IFI16: variants seen among roughly 807,000 people sequenced by gnomAD.
The protein encoded by IFI16 is gamma-interferon-inducible protein 16.
Under a neutral mutation model 68.4 loss-of-function variants are expected in IFI16, and 49 were observed. The ratio of observed to expected loss-of-function variants is 0.72; its 90% CI spans 0.57 to 0.91. The LOEUF (loss-of-function observed/expected upper bound fraction) is 0.91. Among genes scored for constraint, IFI16 ranks in the 40% least tolerant of loss-of-function variants. The pLI is 0.00. For synonymous variants in IFI16, 307 were observed against 315.0 expected, an observed-to-expected ratio of 0.97 and a Z score of 0.27; for missense variants, 878 against 942.9, an observed-to-expected ratio of 0.93 and a Z score of 0.90.
At chr1:159,014,554 A>G (rs961808001) in intron 1 of IFI16, 107 bp from the exon 2 acceptor site, 2 of 662,656 alleles carry the variant, frequency 3.0e-6, no homozygotes, top group East Asian at 2.8e-5. Context: ...TTTATCACAC[A>G]TATTCATGAA....
intron 8 of IFI16, among the ~76,000 whole-genome samples, chr1:159,048,070 A>AT (rs1655104528): frequency 6.7e-6 from 1 of 149,086 alleles, no homozygotes; most frequent in Non-Finnish European, 1.5e-5. Flanking sequence ...ATTGCTACAC[A>AT]TGGCAGATCT....
In IFI16 at chr1:159,009,977, G is replaced by C. The variant is rs1652444087; in HGVS notation, c.-205G>C. 6.6e-6 allele frequency: 1 copy of C among 152,070 alleles called. No individual in the cohort carries two copies. Among genetic ancestry groups the C allele is most frequent in the Non-Finnish European group, 1.5e-5 (1 of 68,010 alleles). 9.4% of individuals were successfully genotyped at this position (152,070 alleles called of 1,614,324 possible). A position where few individuals can be genotyped will look rare whatever the true frequency, so the allele number is the denominator to read the frequency against. On this transcript the variant is annotated 5_prime_UTR_variant, in exon 1 of 12. Transcript: ENST00000295809. Reference sequence around the variant, plus strand: ...CAGCTAACTAAGTGACTCAACCAAGGCCTTTTTTCCTTGTTATCTTTGCAG... The same window carrying C: ...CAGCTAACTAAGTGACTCAACCAAGCCCTTTTTTCCTTGTTATCTTTGCAG...
At chr1:159,029,583 T>C (rs1187540054) in intron 6 of IFI16, among the ~76,000 whole-genome samples, 3 of 152,178 alleles carry the variant, frequency 2.0e-5, no homozygotes, top group Non-Finnish European at 4.4e-5. Flanking sequence ...AAATATGTTT[T>C]TCAAACCTTT....
rs1652818320 is a variant in IFI16 at position 159,014,803 on chromosome 1, A to C, written c.123A>C (p.Glu41Asp). 2.5e-6 allele frequency: 4 copies of C among 1,614,106 alleles called. No individual in the cohort carries two copies. The East Asian group carries it at 8.9e-5, about 36-fold the overall frequency. The part of the protein sequence containing the change: ...NDLKLNLKMR[E>D]EYDKIQIADL... ...TAAAACTTAATTTAAAAATGAGAGA[A>C]GAGTATGACAAAATTCAGATTGCTG... Residue 41 changes from glutamate to aspartate, a missense_variant, in exon 2 of 12, where the codon GAA becomes GAC. By Grantham distance (45) the Glu-to-Asp change is conservative. Transcript: ENST00000295809.
intron 8 of IFI16, among the ~76,000 whole-genome samples, chr1:159,045,668 A>G (rs1265628069): frequency 1.3e-5 from 2 of 151,342 alleles, no homozygotes; most frequent in Non-Finnish European, 1.5e-5. Context: ...CATAGCAGGT[A>G]TAATTAGATA....
intron 9 of IFI16, among the ~76,000 whole-genome samples, chr1:159,051,206 A>AG (rs1655335127): frequency 6.6e-6 from 1 of 152,080 alleles, no homozygotes; most frequent in Non-Finnish European, 1.5e-5. Flanking sequence ...GGAGGCAAGA[A>AG]GGGATCAAGG....
intron 6 of IFI16, among the ~76,000 whole-genome samples, chr1:159,024,497 A>T (rs1571853121): frequency 1.3e-5 from 2 of 152,164 alleles, no homozygotes; most frequent in East Asian, 3.8e-4. Context: ...ATCTGCACAA[A>T]CCTTTTTTGT....
Position 159,054,959 on chromosome 1 carries a change from A to G in IFI16, c.*58A>G, listed in dbSNP as rs1178534181. 104 of 892,452 alleles carry G rather than the reference A, an allele frequency of 1.2e-4. No individual in the cohort carries two copies. The highest frequency in any genetic ancestry group is 9.2e-6 in the Non-Finnish European group (5 of 545,574). The allele number at this position is 892,452 out of a possible 1,614,324, so 55.3% of individuals were successfully genotyped here. On this transcript the variant is annotated 3_prime_UTR_variant, in exon 12 of 12. Transcript: ENST00000295809. The stretch of plus-strand genomic sequence containing the variant: ...AGATAAGGTCTAAGTGCCTAAAAAA[A>G]TGTACATATACCTGGTTGAAATACA...
chr1:159,040,117 C>T (rs1351944454), intron 7 of IFI16, among the ~76,000 whole-genome samples: 1 of 152,130 alleles, frequency 6.6e-6, no homozygotes, highest in African/African-American at 2.4e-5. Context: ...TGGAAGAACC[C>T]ATGACGTATG....
intron 11 of IFI16, 126 bp downstream of exon 11, chr1:159,053,850 A>T: frequency 1.6e-6 from 1 of 633,084 alleles, no homozygotes; most frequent in Non-Finnish European, 2.6e-6. Flanking sequence ...CTTGCACTTT[A>T]CTGGGTGTAA....
intron 8 of IFI16, among the ~76,000 whole-genome samples, chr1:159,045,893 C>G (rs1163308279): frequency 6.6e-6 from 1 of 151,130 alleles, no homozygotes; most frequent in Non-Finnish European, 1.5e-5. Flanking sequence ...TAATTTTTAA[C>G]TATCAGAAAT....
At chr1:159,050,144 C>T (rs1277001251) in intron 9 of IFI16, among the ~76,000 whole-genome samples, 1 of 152,144 alleles carries the variant, frequency 6.6e-6, no homozygotes, top group Non-Finnish European at 1.5e-5. Flanking sequence ...CATATTTTTC[C>T]ATAACCCATG....
At position 159,051,789 on chromosome 1, in the gene IFI16, G is replaced by A; in HGVS notation, c.1776G>A (p.Glu592=). The A allele has an allele frequency of 6.2e-7, 1 of 1,614,052 alleles. No homozygotes were observed. The highest frequency in any genetic ancestry group is 8.5e-7 in the Non-Finnish European group (1 of 1,179,928). The change falls in exon 10 of 12, where the codon GAG becomes GAA. Residue 592 remains glutamate (E), a synonymous_variant. Transcript: ENST00000295809. ...ACGCAACAGAATCATTTGTATATGA[G>A]CCCAAAGAGCAGAAGAAAATGTTTC... ...VLNATESFVY[E]PKEQKKMFHA...
intron 3 of IFI16, 59 bp from the exon 4 acceptor site, chr1:159,016,474 A>C: frequency 7.0e-7 from 1 of 1,433,624 alleles, no homozygotes. Context: ...AATAATGAAA[A>C]TGTGCTCTAC....
At chr1:159,038,557 A>C (rs1654450646) in intron 7 of IFI16, among the ~76,000 whole-genome samples, 1 of 152,068 alleles carries the variant, frequency 6.6e-6, no homozygotes, top group Non-Finnish European at 1.5e-5. Context: ...TGTAGAGATG[A>C]GGTCTCGCTA....
intron 7 of IFI16, among the ~76,000 whole-genome samples, chr1:159,042,879 C>T (rs993073976): frequency 3.3e-5 from 5 of 152,138 alleles, no homozygotes; most frequent in African/African-American, 4.8e-5. Flanking sequence ...TACAATCCAG[C>T]GTTATGGGGC....
intron 5 of IFI16, among the ~76,000 whole-genome samples, chr1:159,018,863 A>G (rs1426644238): frequency 6.6e-6 from 1 of 152,206 alleles, no homozygotes; most frequent in African/African-American, 2.4e-5. Flanking sequence ...CCAGAGCATT[A>G]AACTGTAGTC....
At chr1:159,017,770 G>C (rs1259538101) in intron 4 of IFI16, among the ~76,000 whole-genome samples, 1 of 152,090 alleles carries the variant, frequency 6.6e-6, no homozygotes. Flanking sequence ...ACTACACTCA[G>C]CTGATTTTTG....
Position 159,045,374 on chromosome 1 carries a change from A to T in IFI16, c.1407A>T (p.Gly469=), listed in dbSNP as rs1480082948. 1 of 1,576,044 alleles carries T rather than the reference A, an allele frequency of 6.3e-7. No homozygotes were observed. Among genetic ancestry groups the T allele is most frequent in the Non-Finnish European group, 8.7e-7 (1 of 1,149,708 alleles). Residue 469 remains glycine (G), a synonymous_variant, in exon 8 of 12, where the codon GGA becomes GGT. Coordinates refer to ENST00000295809, the MANE Select transcript of IFI16 (RefSeq NM_001376587.1). The part of the protein sequence containing the change: ...QILKEGSHFP[G]PFMTSIGPAE... ...TGAAGGAAGGGAGTCATTTTCCAGG[A>T]CCGTTCATGACCAGCATAGGCCCAG...
Sources: gnomAD v4.1 joint callset for allele counts (sites outside exome capture counted in the v4.1 genomes callset) on GRCh38, gnomAD v4.1.1 for gene constraint, MANE v1.5 for transcripts, NCBI Gene and HGNC (gene_info 2026-07-23, HGNC 2026-07-21) for gene names.